SOAT1: variants seen among roughly 807,000 people sequenced by gnomAD.
The protein encoded by SOAT1 is acyl-coenzyme A:cholesterol acyltransferase 1.
SOAT1 carries 55 observed loss-of-function variants against 69.5 expected under a neutral mutation model. The observed-to-expected ratio is 0.79, with a 90% CI of 0.64 to 0.99. The LOEUF is 0.99. SOAT1 is among the 50% of genes least tolerant of loss of function. SOAT1 has a pLI of 0.00. For synonymous variants in SOAT1, 231 were observed against 224.7 expected (o/e 1.03, Z -0.25); for missense variants, 580 against 669.3 (o/e 0.87, Z 1.47).
At chr1:179,307,117 CTG>C (rs1665035257) in intron 2 of SOAT1, among the ~76,000 whole-genome samples, 1 of 152,192 alleles carries the variant, frequency 6.6e-6, no homozygotes, top group African/African-American at 2.4e-5. Flanking sequence ...AGTGAAAACA[CTG>C]TTTGCCAAAA....
At chr1:179,326,302 G>T (rs183638160) in intron 3 of SOAT1, among the ~76,000 whole-genome samples, 5 of 152,178 alleles carry the variant, frequency 3.3e-5, no homozygotes, top group Admixed American at 3.3e-4. Context: ...GTCAAATCTT[G>T]CTGCTTCTAC....
At chr1:179,324,677 T>G (rs1665717212) in intron 3 of SOAT1, among the ~76,000 whole-genome samples, 1 of 152,234 alleles carries the variant, frequency 6.6e-6, no homozygotes, top group African/African-American at 2.4e-5. Flanking sequence ...CTTTTCCAAT[T>G]AGTGCTTTGT....
intron 1 of SOAT1, among the ~76,000 whole-genome samples, chr1:179,301,785 C>T (rs542607873): frequency 6.6e-6 from 1 of 152,252 alleles, no homozygotes; most frequent in South Asian, 2.1e-4. Context: ...TAGTTCAATT[C>T]CTTCATGGTT....
At chr1:179,313,027 G>A (rs1345191300) in intron 2 of SOAT1, among the ~76,000 whole-genome samples, 1 of 152,184 alleles carries the variant, frequency 6.6e-6, no homozygotes, top group Non-Finnish European at 1.5e-5. Context: ...GCAGTGACAT[G>A]CATGTCCTTA....
At chr1:179,338,736 A>G (rs900435702) in intron 5 of SOAT1, among the ~76,000 whole-genome samples, 2 of 152,174 alleles carry the variant, frequency 1.3e-5, no homozygotes. Flanking sequence ...ATGAAAAATA[A>G]ACAAAATTAC....
At chr1:179,318,824 G>A (rs555548681) in intron 2 of SOAT1, among the ~76,000 whole-genome samples, 6 of 152,196 alleles carry the variant, frequency 3.9e-5, no homozygotes, top group African/African-American at 1.4e-4. Context: ...TCCATTTTAT[G>A]GATATACTAC....
intron 2 of SOAT1, among the ~76,000 whole-genome samples, chr1:179,306,135 G>T (rs1412596672): frequency 6.6e-6 from 1 of 152,200 alleles, no homozygotes; most frequent in Non-Finnish European, 1.5e-5. Flanking sequence ...TGACGGGTAG[G>T]TAGTACAGAT....
chr1:179,303,725 G>A (rs752929092), intron 2 of SOAT1, among the ~76,000 whole-genome samples: 3 of 152,094 alleles, frequency 2.0e-5, no homozygotes, highest in Admixed American at 6.6e-5. Flanking sequence ...TATTTATATG[G>A]CATATGGGCT....
chr1:179,311,101 C>T (rs1665205484), intron 2 of SOAT1, among the ~76,000 whole-genome samples: 1 of 152,098 alleles, frequency 6.6e-6, no homozygotes, highest in South Asian at 2.1e-4. Flanking sequence ...TGTGGTGGCT[C>T]ACGCTTATAA....
chr1:179,322,505 C>T (rs897743478), intron 2 of SOAT1, among the ~76,000 whole-genome samples: 4 of 152,240 alleles, frequency 2.6e-5, no homozygotes, highest in Admixed American at 6.5e-5. Flanking sequence ...GCCTCAGCCT[C>T]CTGAATAGCT....
intron 1 of SOAT1, chr1:179,294,241 C>G (rs918231599): frequency 4.6e-5 from 7 of 152,146 alleles, no homozygotes; most frequent in Admixed American, 2.0e-4. Flanking sequence ...ACGTTTTATT[C>G]TTTAAAAAGC....
At chr1:179,340,809 C>CATATATGTTTAT (rs1666306365) in intron 6 of SOAT1, among the ~76,000 whole-genome samples, 1 of 94,376 alleles carries the variant, frequency 1.1e-5, no homozygotes, top group Admixed American at 1.5e-4. Flanking sequence ...TTCTAAAGAA[C>CATATATGTTTAT]ATATATTGTT....
At chr1:179,341,695 C>T (rs998077953) in intron 7 of SOAT1, among the ~76,000 whole-genome samples, 14 of 151,962 alleles carry the variant, frequency 9.2e-5, no homozygotes, top group South Asian at 4.2e-4. Context: ...CCACCACACC[C>T]GGCTAATTTT....
At chr1:179,335,699 G>T in intron 4 of SOAT1, 42 bp downstream of exon 4, 1 of 1,541,262 alleles carries the variant, frequency 6.5e-7, no homozygotes, top group Non-Finnish European at 8.8e-7. Context: ...CATCTACTCA[G>T]TATAGTTCAA....
chr1:179,294,105 G>C (rs1166012330), intron 1 of SOAT1, among the ~76,000 whole-genome samples, 169 bp downstream of exon 1: 1 of 152,222 alleles, frequency 6.6e-6, no homozygotes, highest in East Asian at 1.9e-4. Context: ...GGGAGGGGAG[G>C]GCGGGAAAGT....
At chr1:179,295,330 T>C (rs1038360751) in intron 1 of SOAT1, among the ~76,000 whole-genome samples, 1 of 152,226 alleles carries the variant, frequency 6.6e-6, no homozygotes, top group Non-Finnish European at 1.5e-5. Flanking sequence ...GCCTCAGATA[T>C]CAGCCCACAT....
chr1:179,329,278 G>A (rs1416467340), intron 3 of SOAT1, among the ~76,000 whole-genome samples: 8 of 151,974 alleles, frequency 5.3e-5, no homozygotes, highest in Non-Finnish European at 1.2e-4. Context: ...GGCAGAGGTT[G>A]CAGTGAGCCG....
chr1:179,353,208 AATATATATATATATAT>A (rs1666795391), intron 15 of SOAT1, among the ~76,000 whole-genome samples: 1 of 8,214 alleles, frequency 1.2e-4, no homozygotes, highest in African/African-American at 4.0e-4. Flanking sequence ...GTTATATATA[AATATATATATATATAT>A]CTATTTGTCG....
chr1:179,350,165 C>T (rs1334593914), intron 13 of SOAT1, 131 bp from the exon 14 acceptor site: 5 of 652,350 alleles, frequency 7.7e-6, no homozygotes, highest in Non-Finnish European at 1.3e-5. Flanking sequence ...TTGGATTAAT[C>T]CAAGGAGTAG....
Sources: gnomAD v4.1 joint callset for allele counts (sites outside exome capture counted in the v4.1 genomes callset) on GRCh38, gnomAD v4.1.1 for gene constraint, MANE v1.5 for transcripts, NCBI Gene and HGNC (gene_info 2026-07-23, HGNC 2026-07-21) for gene names.